FBXO34: variants seen among roughly 807,000 people sequenced by gnomAD.
FBXO34 encodes F-box protein 34.
Under a neutral mutation model 24.5 loss-of-function variants are expected in FBXO34, and 12 were observed. The observed-to-expected ratio is 0.49, with a 90% CI of 0.31 to 0.79. The LOEUF (loss-of-function observed/expected upper bound fraction) is 0.79, where lower values mean the gene tolerates loss of function less well. Among genes scored for constraint, FBXO34 ranks in the 30% least tolerant of loss-of-function variants. The probability of loss-of-function intolerance (pLI) is 0.04; values close to 1 mark genes in which losing one functional copy is unlikely to be tolerated. For synonymous variants in FBXO34, 320 were observed against 311.9 expected (o/e 1.03, Z -0.27); for missense variants, 823 against 857.7 (o/e 0.96, Z 0.51).
At chr14:55,361,415 A>G (rs1404726653) in intron 3 of FBXO34, among the ~76,000 whole-genome samples, 2 of 152,222 alleles carry the variant, frequency 1.3e-5, no homozygotes, top group Non-Finnish European at 2.9e-5. Context: ...TGTTCCATTT[A>G]CAGAGCACAG....
At position 55,351,525 on chromosome 14, in the gene FBXO34, G is replaced by C. The variant is rs560361987; in HGVS notation, c.1135G>C (p.Gly379Arg). 6.2e-7 allele frequency: 1 copy of C among 1,614,176 alleles called. No homozygotes were observed. Reference protein sequence around the residue: ...ASQDCPPLPAGVSFHIDSAEL... With the variant: ...ASQDCPPLPARVSFHIDSAEL... ...TCAGGACTGCCCCCCATTGCCAGCAGGAGTGAGTTTCCACATAGACAGTGC... is the reference window on the plus strand; with the variant it reads ...TCAGGACTGCCCCCCATTGCCAGCACGAGTGAGTTTCCACATAGACAGTGC... Residue 379 changes from glycine (G) to arginine (R), a missense_variant, in exon 2 of 2, where the codon GGA becomes CGA. Gly to Arg is a moderately radical substitution (Grantham distance 125). Transcript: ENST00000313833.
At chr14:55,373,004 C>CGG (rs201636846), downstream of FBXO34, among the ~76,000 whole-genome samples, 2 of 117,166 alleles carry the variant, frequency 1.7e-5, no homozygotes, top group African/African-American at 3.0e-5. Flanking sequence ...AGCCACAGAG[C>CGG]AGGAGGAGAG....
chr14:55,338,465 T>C (rs761091667), intron 1 of FBXO34, among the ~76,000 whole-genome samples: 3 of 152,056 alleles, frequency 2.0e-5, no homozygotes, highest in Non-Finnish European at 2.9e-5. Flanking sequence ...CTTGGGGTTT[T>C]ATGGGTATTT....
chr14:55,414,319 T>G, the FBXO34 span: 1 of 1,269,604 alleles, frequency 7.9e-7, no homozygotes, highest in Non-Finnish European at 1.1e-6. Flanking sequence ...TCCAGCTGTT[T>G]CTGTGCTGGG....
chr14:55,421,545 C>T, the FBXO34 span, among the ~76,000 whole-genome samples: 1 of 152,194 alleles, frequency 6.6e-6, no homozygotes, highest in Admixed American at 6.5e-5. Context: ...CTCACTGCAG[C>T]CTCTGCCTCC....
chr14:55,415,011 A>T, the FBXO34 span, among the ~76,000 whole-genome samples: 2 of 152,342 alleles, frequency 1.3e-5, no homozygotes, highest in Admixed American at 1.3e-4. Context: ...ATTGTAAATC[A>T]TAACTGCTGT....
chr14:55,294,769 G>T (rs1882063914), intron 1 of FBXO34, among the ~76,000 whole-genome samples: 1 of 152,160 alleles, frequency 6.6e-6, no homozygotes, highest in Non-Finnish European at 1.5e-5. Context: ...TGGTGGAAAA[G>T]GACTGAATAT....
chr14:55,322,421 A>G (rs1006843702), intron 1 of FBXO34, among the ~76,000 whole-genome samples: 1 of 152,160 alleles, frequency 6.6e-6, no homozygotes, highest in Non-Finnish European at 1.5e-5. Flanking sequence ...CAATAGCAGC[A>G]TTATGCTAAA....
chr14:55,354,290 A>G (rs1015703543), downstream of FBXO34, among the ~76,000 whole-genome samples: 1 of 151,686 alleles, frequency 6.6e-6, no homozygotes, highest in Non-Finnish European at 1.5e-5. Flanking sequence ...TGTTTGTCCT[A>G]CTCCCCTTGT....
intron 1 of FBXO34, among the ~76,000 whole-genome samples, chr14:55,342,404 T>C (rs1884022027): frequency 6.6e-6 from 1 of 152,170 alleles, no homozygotes; most frequent in Non-Finnish European, 1.5e-5. Flanking sequence ...ATTAAGAAGT[T>C]ACATGAATTG....
At chr14:55,398,246 C>A in the FBXO34 span, among the ~76,000 whole-genome samples, 1 of 152,152 alleles carries the variant, frequency 6.6e-6, no homozygotes, top group East Asian at 1.9e-4. Flanking sequence ...CCACCGCGCC[C>A]AGCATAGTTA....
At chr14:55,336,693 C>A (rs1883787331) in intron 1 of FBXO34, among the ~76,000 whole-genome samples, 1 of 152,086 alleles carries the variant, frequency 6.6e-6, no homozygotes, top group Non-Finnish European at 1.5e-5. Context: ...CCAACCATTT[C>A]TTTTCTCCCA....
chr14:55,318,840 C>A (rs575427502), intron 1 of FBXO34, among the ~76,000 whole-genome samples: 38 of 152,246 alleles, frequency 2.5e-4, no homozygotes, highest in Admixed American at 2.2e-3. Context: ...CTGGTCATCT[C>A]ACTCGCTCTC....
At chr14:55,299,037 G>T (rs1372729868) in intron 1 of FBXO34, 1 of 1,604,834 alleles carries the variant, frequency 6.2e-7, no homozygotes, top group South Asian at 1.1e-5. Flanking sequence ...ACTTGGGGAG[G>T]AGATTTCAAC....
At chr14:55,314,910 CTTA>C in intron 1 of FBXO34, among the ~76,000 whole-genome samples, 1 of 152,144 alleles carries the variant, frequency 6.6e-6, no homozygotes, top group Non-Finnish European at 1.5e-5. Flanking sequence ...TTGCTTTTAG[CTTA>C]TTATTTTTGC....
At chr14:55,366,550 C>T (rs868190142), downstream of FBXO34, 1 of 152,666 alleles carries the variant, frequency 6.6e-6, no homozygotes, top group South Asian at 2.1e-4. Flanking sequence ...CCACTGAATG[C>T]TCTTCCCCAA....
chr14:55,384,774 G>A, the FBXO34 span, among the ~76,000 whole-genome samples: 3 of 152,240 alleles, frequency 2.0e-5, no homozygotes, highest in Non-Finnish European at 4.4e-5. Context: ...GCAGCCAGAA[G>A]AGACAGGAAA....
At chr14:55,381,964 G>T in the FBXO34 span, 1 of 1,612,756 alleles carries the variant, frequency 6.2e-7, no homozygotes, top group South Asian at 1.1e-5. Context: ...CTTCTCACCA[G>T]GCCCCTGGGT....
intron 1 of FBXO34, among the ~76,000 whole-genome samples, chr14:55,303,444 G>A (rs1463568212): frequency 6.6e-6 from 1 of 152,046 alleles, no homozygotes; most frequent in East Asian, 1.9e-4. Flanking sequence ...ATGCTATTTT[G>A]CTTTAAAAAT....
Sources: allele counts gnomAD v4.1 joint callset (sites outside exome capture counted in the v4.1 genomes callset), GRCh38; gene constraint gnomAD v4.1.1; transcripts MANE v1.5; gene names NCBI Gene and HGNC (gene_info 2026-07-23, HGNC 2026-07-21).